The following ADCY3 variants were observed in gnomAD, a reference collection of about 807,000 sequenced individuals.
The protein encoded by ADCY3 is adenylate cyclase type 3.
Under a neutral mutation model 119.4 loss-of-function variants are expected in ADCY3, and 70 were observed. That is an observed-to-expected ratio of 0.59 (90% CI 0.48 to 0.72). The LOEUF (loss-of-function observed/expected upper bound fraction) is 0.72. Ranked by LOEUF, ADCY3 falls within the 30% of genes least tolerant of loss-of-function variation. The pLI is 0.00. For missense variants in ADCY3, 1,238 were observed against 1,541.6 expected (o/e 0.80, Z 3.30); for synonymous variants, 672 against 621.4 (o/e 1.08, Z -1.21).
intron 20 of ADCY3, 193 bp downstream of exon 20, chr2:24,821,324 G>T: frequency 1.4e-6 from 1 of 713,890 alleles, no homozygotes; most frequent in Non-Finnish European, 2.3e-6. Context: ...CATCACATCA[G>T]CTGGGTTTTT....
chr2:24,875,365 C>T (rs1228576846), intron 2 of ADCY3, among the ~76,000 whole-genome samples: 2 of 152,376 alleles, frequency 1.3e-5, no homozygotes, highest in Non-Finnish European at 1.5e-5. Flanking sequence ...ACCCCACCCC[C>T]CGTGGGTGTA....
At chr2:24,879,652 C>T (rs1676151973) in intron 2 of ADCY3, among the ~76,000 whole-genome samples, 1 of 152,120 alleles carries the variant, frequency 6.6e-6, no homozygotes, top group African/African-American at 2.4e-5. Flanking sequence ...GGAGGCAGGG[C>T]AGAGTTTTCT....
intron 2 of ADCY3, among the ~76,000 whole-genome samples, chr2:24,874,821 T>A (rs1456190252): frequency 6.6e-6 from 1 of 152,232 alleles, no homozygotes; most frequent in Non-Finnish European, 1.5e-5. Context: ...ATATTGTATG[T>A]ACCTACAAGT....
chr2:24,886,458 C>A (rs59025641), intron 2 of ADCY3, among the ~76,000 whole-genome samples: 1 of 152,304 alleles, frequency 6.6e-6, no homozygotes, highest in African/African-American at 2.4e-5. Context: ...GCCTCACCTC[C>A]ACCCGGACCT....
At chr2:24,875,986 T>TTG (rs1553354681) in intron 2 of ADCY3, among the ~76,000 whole-genome samples, 41 of 149,254 alleles carry the variant, frequency 2.7e-4, no homozygotes, top group African/African-American at 1.0e-3. Flanking sequence ...GACTTCTTTT[T>TTG]GGGAGGGGGG....
intron 2 of ADCY3, among the ~76,000 whole-genome samples, chr2:24,902,301 G>A (rs991071175): frequency 7.3e-5 from 11 of 151,588 alleles, no homozygotes; most frequent in African/African-American, 2.4e-4. Flanking sequence ...GTCTAGTCTC[G>A]AATTCCTGGG....
intron 3 of ADCY3, among the ~76,000 whole-genome samples, chr2:24,859,138 A>G (rs1353776597): frequency 1.3e-5 from 2 of 152,244 alleles, no homozygotes; most frequent in African/African-American, 4.8e-5. Context: ...TGGTTCTGTG[A>G]AGAAGATAGC....
intron 3 of ADCY3, among the ~76,000 whole-genome samples, chr2:24,852,990 A>C (rs1307026820): frequency 7.0e-6 from 1 of 143,682 alleles, no homozygotes; most frequent in Non-Finnish European, 1.5e-5. Context: ...ATTTGAAGGA[A>C]AGGAACAGCT....
intron 3 of ADCY3, among the ~76,000 whole-genome samples, chr2:24,858,965 A>G (rs1673321537): frequency 6.6e-6 from 1 of 152,260 alleles, no homozygotes; most frequent in South Asian, 2.1e-4. Context: ...AAGTCCTGGA[A>G]TGTTGAAATG....
chr2:24,850,167 T>C (rs1672128447), intron 3 of ADCY3, among the ~76,000 whole-genome samples: 1 of 152,058 alleles, frequency 6.6e-6, no homozygotes, highest in Non-Finnish European at 1.5e-5. Flanking sequence ...GGGGTGTCTG[T>C]TCCTCCCTCC....
At chr2:24,829,581 C>T (rs1965122) in intron 13 of ADCY3, among the ~76,000 whole-genome samples, 86,310 of 151,158 alleles carry the variant, frequency 0.57, 26,887 homozygotes, top group African/African-American at 0.84. Context: ...CCACCACGCC[C>T]GGCTAATTTT....
intron 2 of ADCY3, among the ~76,000 whole-genome samples, chr2:24,915,237 A>G (rs1664306179): frequency 6.6e-6 from 1 of 152,196 alleles, no homozygotes; most frequent in African/African-American, 2.4e-5. Context: ...CCCTGGAGGG[A>G]GTCCCCAGCC....
At chr2:24,913,514 T>C (rs1309240779) in intron 2 of ADCY3, among the ~76,000 whole-genome samples, 1 of 152,150 alleles carries the variant, frequency 6.6e-6, no homozygotes, top group African/African-American at 2.4e-5. Flanking sequence ...CCTTTCTCAC[T>C]CATCAGTGAC....
chr2:24,840,560 G>C (rs77978025), intron 6 of ADCY3: 16,943 of 468,010 alleles, frequency 0.036, 385 homozygotes, highest in African/African-American at 0.059. Flanking sequence ...CGCCCCCTCG[G>C]AGAAGGGGGT....
chr2:24,900,594 C>G (rs3903070), intron 2 of ADCY3, among the ~76,000 whole-genome samples: 79,956 of 151,738 alleles, frequency 0.53, 23,374 homozygotes, highest in African/African-American at 0.8. Context: ...TTAGTCTACA[C>G]CTAGAGAAAG....
chr2:24,911,015 G>A (rs11677299), intron 2 of ADCY3, among the ~76,000 whole-genome samples: 3,884 of 151,920 alleles, frequency 0.026, 78 homozygotes, highest in Non-Finnish European at 0.04. Flanking sequence ...ATGTAACAAC[G>A]CCTCCTACAG....
chr2:24,904,832 G>A (rs760545164), intron 2 of ADCY3, among the ~76,000 whole-genome samples: 9 of 151,948 alleles, frequency 5.9e-5, no homozygotes, highest in Non-Finnish European at 1.2e-4. Flanking sequence ...GTAGAGACAG[G>A]GTTGCACCAT....
intron 2 of ADCY3, among the ~76,000 whole-genome samples, chr2:24,903,385 G>T (rs151053450): frequency 6.6e-6 from 1 of 152,118 alleles, no homozygotes; most frequent in East Asian, 1.9e-4. Context: ...ACAACCGTCT[G>T]TCTCGATCTC....
At position 24,860,196 on chromosome 2, in the gene ADCY3, T is replaced by G. The variant is rs536396307; in HGVS notation, c.825+12374A>C. ...GGCAGCAGGTGTGTGCTGAGTGGGT[T>G]TTCTGGGTGCCGCCTGTTGCCAGGT... is the stretch of plus-strand genomic sequence containing the variant. On this transcript the variant is annotated intron_variant, in intron 3 of 21. Transcript: ENST00000679454. 2.0e-5 allele frequency among the ~76,000 whole-genome samples: 3 copies of G among 152,260 alleles called. No homozygotes were observed. The East Asian group carries it at 5.8e-4, about 29-fold the overall frequency.
Sources: gnomAD v4.1 joint callset for allele counts (sites outside exome capture counted in the v4.1 genomes callset) on GRCh38, gnomAD v4.1.1 for gene constraint, MANE v1.5 for transcripts, NCBI Gene and HGNC (gene_info 2026-07-23, HGNC 2026-07-21) for gene names.